SLC8A1: variants seen among roughly 807,000 people sequenced by gnomAD.
The protein encoded by SLC8A1 is solute carrier family 8 member A1, also known as sodium/calcium exchanger 1.
A neutral mutation model predicts 68.3 loss-of-function variants in SLC8A1; 18 were observed. The ratio of observed to expected loss-of-function variants is 0.26; its 90% confidence interval spans 0.18 to 0.39. The LOEUF (loss-of-function observed/expected upper bound fraction) is 0.39. SLC8A1 is among the 10% of genes least tolerant of loss of function. The pLI is 1.00. For synonymous variants in SLC8A1, 475 were observed against 415.5 expected, an observed-to-expected ratio of 1.14 and a Z score of -1.74; for missense variants, 985 against 1,156.7, an observed-to-expected ratio of 0.85 and a Z score of 2.15.
intron 6 of SLC8A1, among the ~76,000 whole-genome samples, chr2:40,145,939 A>C (rs377683563): frequency 2.1e-4 from 31 of 150,630 alleles, no homozygotes; most frequent in East Asian, 1.8e-3. Context: ...AGTAACCCAA[A>C]GATTTATTCC....
exon 3 of SLC8A1, chr2:40,177,810 T>G: frequency 6.4e-7 from 1 of 1,551,396 alleles, no homozygotes. Flanking sequence ...AACTGCACTC[T>G]TTCTCATATT....
At chr2:40,399,199 G>C (rs780689382) in intron 2 of SLC8A1, among the ~76,000 whole-genome samples, 23 of 152,228 alleles carry the variant, frequency 1.5e-4, no homozygotes, top group Admixed American at 5.9e-4. Flanking sequence ...TTTTTTATTA[G>C]ATTAAGCTTC....
At chr2:40,179,111 T>C (rs1295301863) in intron 2 of SLC8A1, among the ~76,000 whole-genome samples, 5 of 152,224 alleles carry the variant, frequency 3.3e-5, no homozygotes, top group African/African-American at 7.2e-5. Context: ...GTTAGTCAGA[T>C]TCTCCAGCTA....
chr2:40,251,022 A>AAGAGT (rs1428218170), intron 2 of SLC8A1: 8 of 152,170 alleles, frequency 5.3e-5, no homozygotes, highest in Non-Finnish European at 1.0e-4. Context: ...GGGAGAGTTA[A>AAGAGT]AGAGTAGCAA....
At chr2:40,271,652 G>GA (rs1213911016) in intron 2 of SLC8A1, among the ~76,000 whole-genome samples, 1 of 152,116 alleles carries the variant, frequency 6.6e-6, no homozygotes, top group Non-Finnish European at 1.5e-5. Flanking sequence ...TGGGAGCCAA[G>GA]AACAGTGACT....
chr2:40,405,600 A>T (rs1216223378), intron 2 of SLC8A1, among the ~76,000 whole-genome samples: 2 of 152,172 alleles, frequency 1.3e-5, no homozygotes, highest in African/African-American at 4.8e-5. Flanking sequence ...GCATTCCAGC[A>T]CTTACTTGCA....
chr2:40,476,233 G>A (rs764162263), intron 1 of SLC8A1, among the ~76,000 whole-genome samples: 1 of 152,086 alleles, frequency 6.6e-6, no homozygotes, highest in Non-Finnish European at 1.5e-5. Flanking sequence ...TCAAAGGGGA[G>A]CCTATAGAAA....
At chr2:40,212,219 G>C (rs1441557612) in intron 2 of SLC8A1, among the ~76,000 whole-genome samples, 1 of 150,686 alleles carries the variant, frequency 6.6e-6, no homozygotes, top group Non-Finnish European at 1.5e-5. Context: ...TTAAGTCATA[G>C]TTCCTCATTC....
intron 2 of SLC8A1, among the ~76,000 whole-genome samples, chr2:40,257,253 C>A (rs961295830): frequency 1.3e-5 from 2 of 152,170 alleles, no homozygotes; most frequent in Non-Finnish European, 2.9e-5. Context: ...TCTTAGCTCA[C>A]TGTCGTACTC....
chr2:40,437,295 A>G (rs1476202187), intron 1 of SLC8A1, among the ~76,000 whole-genome samples: 1 of 152,108 alleles, frequency 6.6e-6, no homozygotes, highest in Non-Finnish European at 1.5e-5. Flanking sequence ...CCTTCTTCCC[A>G]CCTGAATAAA....
At chr2:40,200,253 T>TTTATATATATATATAA (rs1356098450) in intron 2 of SLC8A1, among the ~76,000 whole-genome samples, 10 of 35,122 alleles carry the variant, frequency 2.8e-4, no homozygotes, top group Admixed American at 6.8e-4. Flanking sequence ...TATATATATA[T>TTTATATATATATATAA]ATATATATAT....
intron 2 of SLC8A1, among the ~76,000 whole-genome samples, chr2:40,367,047 A>G (rs2069328): frequency 0.027 from 4,054 of 152,032 alleles, 72 homozygotes; most frequent in Non-Finnish European, 0.04. Flanking sequence ...AAAAAAATGA[A>G]TTACTGAGGT....
chr2:40,259,499 A>T (rs536766591), intron 2 of SLC8A1, among the ~76,000 whole-genome samples: 231 of 152,068 alleles, frequency 1.5e-3, no homozygotes, highest in Non-Finnish European at 2.7e-3. Flanking sequence ...TTTAATTTTT[A>T]AAAATAGGGT....
intron 2 of SLC8A1, among the ~76,000 whole-genome samples, chr2:40,415,473 A>G (rs983212185): frequency 5.9e-5 from 9 of 151,744 alleles, no homozygotes; most frequent in African/African-American, 1.9e-4. Flanking sequence ...CTAGCAAACC[A>G]CTGGAGTTGT....
intron 2 of SLC8A1, among the ~76,000 whole-genome samples, chr2:40,200,909 G>C (rs972675461): frequency 6.6e-5 from 10 of 151,868 alleles, no homozygotes; most frequent in Non-Finnish European, 1.3e-4. Context: ...GTATGAGTGA[G>C]ATTATAAAAC....
intron 2 of SLC8A1, among the ~76,000 whole-genome samples, chr2:40,390,215 C>T (rs982408096): frequency 3.3e-5 from 5 of 152,232 alleles, no homozygotes; most frequent in African/African-American, 1.2e-4. Flanking sequence ...ATTCACCTAT[C>T]GTTTCCCGTA....
intron 2 of SLC8A1, among the ~76,000 whole-genome samples, chr2:40,183,918 G>C (rs1167989411): frequency 6.6e-6 from 1 of 152,164 alleles, no homozygotes; most frequent in African/African-American, 2.4e-5. Flanking sequence ...CACTTTGAGA[G>C]ATCGAGGTGG....
At chr2:40,112,739 T>C (rs944201052) in exon 8 of SLC8A1, 1 of 152,480 alleles carries the variant, frequency 6.6e-6, no homozygotes, top group African/African-American at 2.4e-5. Context: ...AAAGTTCCAT[T>C]GCCAACAAAG....
chr2:40,353,240 G>T (rs1338155496), intron 2 of SLC8A1, among the ~76,000 whole-genome samples: 3 of 152,152 alleles, frequency 2.0e-5, no homozygotes, highest in African/African-American at 4.8e-5. Context: ...ATATGTGCTT[G>T]CTGTCATAAC....
Sources: gnomAD v4.1 joint callset for allele counts (sites outside exome capture counted in the v4.1 genomes callset) on GRCh38, gnomAD v4.1.1 for gene constraint, MANE v1.5 for transcripts, NCBI Gene and HGNC (gene_info 2026-07-23, HGNC 2026-07-21) for gene names.